Variants in CALN1 observed in about 807,000 individuals in gnomAD.
The protein encoded by CALN1 is calneuron 1, also known as calcium-binding protein 8.
CALN1 carries 17 observed loss-of-function variants against 30.6 expected under a neutral mutation model. The observed-to-expected ratio is 0.56, with a 90% CI of 0.38 to 0.83. The LOEUF is 0.83. Among genes scored for constraint, CALN1 ranks in the 40% least tolerant of loss-of-function variants. CALN1 has a pLI of 0.00. For synonymous variants in CALN1, 156 were observed against 131.4 expected, an observed-to-expected ratio of 1.19 and a Z score of -1.28; for missense variants, 291 against 354.9, an observed-to-expected ratio of 0.82 and a Z score of 1.45.
intron 3 of CALN1, among the ~76,000 whole-genome samples, chr7:72,265,836 C>T (rs1367248418): frequency 2.6e-5 from 4 of 151,894 alleles, no homozygotes; most frequent in Admixed American, 6.6e-5. Context: ...GTTGGGAAGG[C>T]TTTCTAAACT....
intron 2 of CALN1, among the ~76,000 whole-genome samples, chr7:72,390,328 G>A (rs1043200591): frequency 3.3e-5 from 5 of 152,124 alleles, no homozygotes; most frequent in African/African-American, 1.2e-4. Flanking sequence ...CTACTCAGGA[G>A]GGTGAGGCAG....
intron 2 of CALN1, among the ~76,000 whole-genome samples, chr7:72,302,893 CAA>C (rs71069055): frequency 0.042 from 2,046 of 48,658 alleles, 18 homozygotes; most frequent in African/African-American, 0.085. Flanking sequence ...GTGAGGGTCT[CAA>C]AAAAAAAAAA....
In CALN1 at chr7:72,441,541, T is replaced by C. The variant is rs1409701872; in HGVS notation, c.-226+5501A>G. On this transcript the variant is annotated intron_variant, in intron 1 of 6. Coordinates refer to the CALN1 transcript ENST00000395276. The stretch of plus-strand genomic sequence containing the variant: ...TGAACCCAGGAGGCAGAGTTTGCAG[T>C]GGGCCAAGATTGCACCATTGCACTC... Among the ~76,000 whole-genome samples the C allele has an allele frequency of 1.5e-5, 2 of 135,568 alleles. 1 individual carries two copies. The highest frequency in any genetic ancestry group is 1.7e-4 in the Admixed American group (2 of 11,532). 88.9% of individuals were successfully genotyped at this position (135,568 alleles called of 152,430 possible). A position where few individuals can be genotyped will look rare whatever the true frequency, so the allele number is the denominator to read the frequency against.
At chr7:72,337,450 A>G (rs919189805) in intron 2 of CALN1, 1 of 190,048 alleles carries the variant, frequency 5.3e-6, no homozygotes, top group Non-Finnish European at 9.7e-6. Flanking sequence ...ACGCATGCAC[A>G]TGCACGGCAC....
intron 5 of CALN1, among the ~76,000 whole-genome samples, chr7:71,908,213 A>G (rs973198559): frequency 6.6e-5 from 10 of 152,182 alleles, no homozygotes; most frequent in African/African-American, 2.4e-4. Flanking sequence ...CTCCACCCAA[A>G]GTCAACCAAT....
At position 72,134,613 on chromosome 7, in the gene CALN1, A is replaced by G. The variant is rs115647458; in HGVS notation, c.245-28319T>C. Among the ~76,000 whole-genome samples, 474 of 152,394 alleles carry G rather than the reference A, an allele frequency of 3.1e-3. 1 individual carries two copies. The highest frequency in any genetic ancestry group is 0.011 in the African/African-American group (437 of 41,596). On this transcript the variant is annotated intron_variant, in intron 3 of 6. Coordinates refer to ENST00000395275, the MANE Select transcript of CALN1 (RefSeq NM_031468.4). ...TAAACATATTTTATTGCTAAAATAT[A>G]TGAACAATCATCTGAGCATTCAGCA...
chr7:71,988,119 CATT>C (rs1035224175), intron 5 of CALN1, among the ~76,000 whole-genome samples: 2 of 152,162 alleles, frequency 1.3e-5, no homozygotes, highest in African/African-American at 2.4e-5. Flanking sequence ...TCACCACCAT[CATT>C]GTCGTCATCA....
Position 72,202,109 on chromosome 7 carries a change from A to C in CALN1, c.244+76577T>G, listed in dbSNP as rs116441534. Among the ~76,000 whole-genome samples, 250 of 152,328 alleles carry C rather than the reference A, an allele frequency of 1.6e-3. 1 individual carries two copies. Among genetic ancestry groups the C allele is most frequent in the African/African-American group, 5.9e-3 (245 of 41,576 alleles). On this transcript the variant is annotated intron_variant, in intron 3 of 6. Transcript: ENST00000395275. ...AGAGAGCCTCCTAAAGGAAAAATGA[A>C]ATGGAAGGAGATAAAAAGGGATACA...
At chr7:71,926,094 C>G (rs1005428170) in intron 5 of CALN1, among the ~76,000 whole-genome samples, 19 of 152,248 alleles carry the variant, frequency 1.2e-4, no homozygotes, top group Middle Eastern at 3.4e-3. Flanking sequence ...CTCAGTTTGG[C>G]AATAATCTTT....
At chr7:72,354,628 G>A (rs1162603652) in intron 2 of CALN1, among the ~76,000 whole-genome samples, 3 of 152,172 alleles carry the variant, frequency 2.0e-5, no homozygotes, top group Non-Finnish European at 4.4e-5. Context: ...ATTAGGAATA[G>A]ACTCACTTGC....
At chr7:71,906,434 T>C (rs906661652) in intron 5 of CALN1, among the ~76,000 whole-genome samples, 1 of 152,122 alleles carries the variant, frequency 6.6e-6, no homozygotes, top group African/African-American at 2.4e-5. Flanking sequence ...GGGAGAAATA[T>C]AGTAGTCACT....
chr7:72,501,926 AAAATATAT>A, the CALN1 span, among the ~76,000 whole-genome samples: 1 of 79,496 alleles, frequency 1.3e-5, no homozygotes, highest in Non-Finnish European at 2.2e-5. Context: ...AAAAAAAAAA[AAAATATAT>A]ATATATATAT....
intron 5 of CALN1, among the ~76,000 whole-genome samples, chr7:71,850,844 T>C (rs570001516): frequency 2.7e-5 from 4 of 148,332 alleles, no homozygotes; most frequent in East Asian, 2.1e-4. Flanking sequence ...AAAGTAGTGG[T>C]TGACACATAG....
intron 2 of CALN1, among the ~76,000 whole-genome samples, chr7:72,288,588 T>A (rs1798259906): frequency 6.6e-6 from 1 of 152,240 alleles, no homozygotes; most frequent in African/African-American, 2.4e-5. Context: ...GATCCACCAT[T>A]AGTCTAGGAG....
chr7:72,338,470 A>AGAGTGTGTGT (rs1031551970), intron 2 of CALN1, among the ~76,000 whole-genome samples: 1,050 of 74,784 alleles, frequency 0.014, 38 homozygotes, highest in East Asian at 0.034. Flanking sequence ...CCAGCAGCAC[A>AGAGTGTGTGT]GTGTGTGTGT....
upstream of CALN1, among the ~76,000 whole-genome samples, chr7:72,414,121 C>T (rs142073200): frequency 1.8e-4 from 28 of 152,200 alleles, no homozygotes; most frequent in African/African-American, 6.3e-4. Flanking sequence ...AGGTATGAGA[C>T]GGATTCACTC....
intron 5 of CALN1, among the ~76,000 whole-genome samples, chr7:71,902,884 T>C (rs1265473681): frequency 6.6e-6 from 1 of 151,966 alleles, no homozygotes; most frequent in East Asian, 1.9e-4. Flanking sequence ...ACTCAGAAAG[T>C]CAAATACTAC....
At position 72,003,780 on chromosome 7, in the gene CALN1, A is replaced by G. The variant is rs188728830; in HGVS notation, c.501+19877T>C. Among the ~76,000 whole-genome samples the G allele has an allele frequency of 5.6e-4, 85 of 152,296 alleles. 1 individual carries two copies. The East Asian group carries it at 0.016, about 29-fold the overall frequency. On this transcript the variant is annotated intron_variant, in intron 5 of 6. Coordinates refer to ENST00000395275, the MANE Select transcript of CALN1 (RefSeq NM_031468.4). The stretch of plus-strand genomic sequence containing the variant: ...ATTTCATTATACATTACAATGTAAT[A>G]ATAATAGAAATAAAGTGCATAATCA...
intron 1 of CALN1, among the ~76,000 whole-genome samples, chr7:72,411,243 A>G (rs57290800): frequency 0.03 from 4,543 of 152,328 alleles, 195 homozygotes; most frequent in African/African-American, 0.1. Context: ...ATTTCAAGTT[A>G]ATGGCTTAAC....
Sources: allele counts gnomAD v4.1 joint callset (sites outside exome capture counted in the v4.1 genomes callset), GRCh38; gene constraint gnomAD v4.1.1; transcripts MANE v1.5; gene names NCBI Gene and HGNC (gene_info 2026-07-23, HGNC 2026-07-21).